The following SDC3 variants were observed in gnomAD, a reference collection of about 807,000 sequenced individuals.
SDC3 encodes the protein syndecan 3, also known as syndecan-3.
SDC3 carries 13 observed loss-of-function variants against 24.4 expected under a neutral mutation model. That is an observed-to-expected ratio of 0.53 (90% CI 0.35 to 0.85). The LOEUF (loss-of-function observed/expected upper bound fraction) is 0.85. Among genes scored for constraint, SDC3 ranks in the 40% least tolerant of loss-of-function variants. The pLI, the probability that SDC3 is intolerant of heterozygous loss-of-function variation, is 0.01. For missense variants in SDC3, 571 were observed against 584.5 expected (o/e 0.98, Z 0.24); for synonymous variants, 295 against 260.9 (o/e 1.13, Z -1.26).
At chr1:30,893,386 C>T (rs974831919) in intron 1 of SDC3, among the ~76,000 whole-genome samples, 4 of 148,558 alleles carry the variant, frequency 2.7e-5, no homozygotes, top group African/African-American at 7.4e-5. Context: ...GATTTTCCAC[C>T]AGCGGGACTG....
At chr1:30,905,410 C>T (rs1638501209) in intron 1 of SDC3, among the ~76,000 whole-genome samples, 1 of 148,876 alleles carries the variant, frequency 6.7e-6, no homozygotes, top group Non-Finnish European at 1.5e-5. Flanking sequence ...TTCCACTCCC[C>T]ACCCCTCCTG....
At chr1:30,905,559 G>A (rs571554721) in intron 1 of SDC3, among the ~76,000 whole-genome samples, 1 of 151,980 alleles carries the variant, frequency 6.6e-6, no homozygotes, top group Admixed American at 6.6e-5. Flanking sequence ...ATTTTAAAGA[G>A]GTGGAAACTA....
At chr1:30,892,562 G>A (rs1357876469) in intron 1 of SDC3, among the ~76,000 whole-genome samples, 1 of 152,208 alleles carries the variant, frequency 6.6e-6, no homozygotes, top group Admixed American at 6.5e-5. Flanking sequence ...CTCAAAGTTG[G>A]ACTTCAGGCA....
chr1:30,900,855 G>A (rs1638402351), intron 1 of SDC3, among the ~76,000 whole-genome samples: 1 of 152,054 alleles, frequency 6.6e-6, no homozygotes, highest in Non-Finnish European at 1.5e-5. Flanking sequence ...GCAGTGCAGG[G>A]GGTACAGGAA....
chr1:30,880,475 G>C (rs966149742), intron 1 of SDC3: 1 of 152,260 alleles, frequency 6.6e-6, no homozygotes, highest in African/African-American at 2.4e-5. Context: ...ATGAGGCAAG[G>C]CTGGGGAAGG....
rs1158474495 is a variant in SDC3, at chr1:30,870,204, A to C, written c.*3007T>G. ...CAGGGGGGTTTGGCCCACACACCCT[A>C]AGCCCTGCCCAGCCCTGGTTGCCAC... On this transcript the variant is annotated 3_prime_UTR_variant, in exon 5 of 5. Transcript: ENST00000339394. The C allele has an allele frequency of 6.6e-6, 2 of 302,944 alleles. No individual in the cohort carries two copies. The highest frequency in any genetic ancestry group is 1.2e-5 in the Non-Finnish European group (2 of 166,184). The allele number at this position is 302,944 out of a possible 1,614,324, so 18.8% of individuals were successfully genotyped here.
intron 1 of SDC3, among the ~76,000 whole-genome samples, chr1:30,896,666 C>T (rs10914230): frequency 0.064 from 9,676 of 152,124 alleles, 955 homozygotes; most frequent in African/African-American, 0.22. Context: ...CTGGTAGAAG[C>T]GTGGGATGTA....
chr1:30,906,620 C>T (rs1446148702), intron 1 of SDC3, among the ~76,000 whole-genome samples: 2 of 152,114 alleles, frequency 1.3e-5, no homozygotes, highest in Non-Finnish European at 2.9e-5. Flanking sequence ...CTCCTGAGCT[C>T]CTTCTCAGGA....
intron 1 of SDC3, among the ~76,000 whole-genome samples, chr1:30,900,300 T>C (rs1158616301): frequency 6.6e-6 from 1 of 152,186 alleles, no homozygotes; most frequent in Non-Finnish European, 1.5e-5. Flanking sequence ...GCAGTAAGTA[T>C]TGGCCGTTAT....
chr1:30,889,407 G>A (rs964107232), intron 1 of SDC3, among the ~76,000 whole-genome samples: 5 of 152,110 alleles, frequency 3.3e-5, no homozygotes, highest in African/African-American at 9.7e-5. Context: ...TGGTCAGCAC[G>A]TACAAATTCC....
Position 30,869,536 on chromosome 1 carries a change from C to CAAAAAAAAAAAAAAAAAAAAAAAAAAAA in SDC3, c.*3674_*3675insTTTTTTTTTTTTTTTTTTTTTTTTTTTT, listed in dbSNP as rs11338317. 1 of 331,864 alleles carries CAAAAAAAAAAAAAAAAAAAAAAAAAAAA rather than the reference C, an allele frequency of 3.0e-6. No individual in the cohort carries two copies. Among genetic ancestry groups the CAAAAAAAAAAAAAAAAAAAAAAAAAAAA allele is most frequent in the Admixed American group, 5.6e-5 (1 of 17,768 alleles). The allele number at this position is 331,864 out of a possible 1,614,324, so 20.6% of individuals were successfully genotyped here. On this transcript the variant is annotated 3_prime_UTR_variant, in exon 5 of 5. Transcript: ENST00000339394. Reference sequence around the variant, plus strand: ...AGGAAGTGTTAAAAAAACAAACAAACAAAAAAAAAAAAAAAAAAAAAAAAA... The same window carrying CAAAAAAAAAAAAAAAAAAAAAAAAAAAA: ...AGGAAGTGTTAAAAAAACAAACAAACAAAAAAAAAAAAAAAAAAAAAAAAAAAAAAAAAAAAAAAAAAAAAAAAAAAAA...
intron 1 of SDC3, among the ~76,000 whole-genome samples, chr1:30,891,472 C>T (rs866214927): frequency 6.6e-5 from 10 of 152,296 alleles, no homozygotes; most frequent in South Asian, 6.2e-4. Context: ...TCGGTAGCCC[C>T]GTCTCTCCTG....
At position 30,876,686 on chromosome 1, in the gene SDC3, G is replaced by A; in HGVS notation, c.736C>T (p.Pro246Ser). Residue 246 changes from proline to serine, a missense_variant, in exon 3 of 5, where the codon CCC becomes TCC. By Grantham distance (74) the Pro-to-Ser change is moderately conservative. This residue lies in a region of SDC3 where 497 missense variants were observed against 471.6 expected (regional missense o/e 1.05). Transcript: ENST00000339394. Reference sequence around the variant, plus strand: ...GAGGTAGCTGTGCTGACCAGCCTGGGTGTTGGGGCCTCGGTGTCCAAGACA... The same window carrying A: ...GAGGTAGCTGTGCTGACCAGCCTGGATGTTGGGGCCTCGGTGTCCAAGACA... ...AAVLDTEAPT[P>S]RLVSTATSRP... 1 of 1,603,996 alleles carries A rather than the reference G, an allele frequency of 6.2e-7. No homozygotes were observed. Among genetic ancestry groups the A allele is most frequent in the East Asian group, 2.2e-5 (1 of 44,784 alleles).
intron 3 of SDC3, among the ~76,000 whole-genome samples, chr1:30,875,964 G>A: frequency 6.6e-6 from 1 of 152,206 alleles, no homozygotes; most frequent in East Asian, 1.9e-4. Context: ...CACAAGGCGA[G>A]TGATGCCTTC....
rs60758960 is a variant in SDC3 at position 30,893,917 on chromosome 1, C to T, written c.138+14532G>A. Among the ~76,000 whole-genome samples, 1,321 of 152,048 alleles carry T rather than the reference C, an allele frequency of 8.7e-3. 11 individuals are homozygous for T. The highest frequency in any genetic ancestry group is 0.05 in the East Asian group (259 of 5,160). On this transcript the variant is annotated intron_variant, in intron 1 of 4. Transcript: ENST00000339394. ...AAGGTTGGTTTTTTAGTGCAGGGTG[C>T]GGGGGAGTGAGAAGTGTCCCTGGAG...
At chr1:30,881,351 C>T (rs1172865453) in intron 1 of SDC3, 1 of 153,844 alleles carries the variant, frequency 6.5e-6, no homozygotes, top group African/African-American at 2.4e-5. Flanking sequence ...CCACGCACCA[C>T]ACTCACCTCA....
intron 1 of SDC3, among the ~76,000 whole-genome samples, chr1:30,898,067 C>A (rs1638317484): frequency 1.4e-5 from 1 of 70,758 alleles, no homozygotes; most frequent in African/African-American, 1.0e-4. Context: ...TGGGGTTCAA[C>A]TGTTCAGAAC....
chr1:30,879,412 C>T (rs578102179), intron 1 of SDC3, among the ~76,000 whole-genome samples: 25 of 152,322 alleles, frequency 1.6e-4, no homozygotes, highest in East Asian at 3.9e-4. Context: ...TCTCCCGTGA[C>T]GAATTGCTGG....
intron 1 of SDC3, among the ~76,000 whole-genome samples, chr1:30,906,483 C>T (rs944298555): frequency 3.3e-5 from 5 of 152,200 alleles, no homozygotes; most frequent in African/African-American, 1.2e-4. Context: ...AGTCCTTCCA[C>T]CACCTCGTGG....
Sources: gnomAD v4.1 joint callset for allele counts (sites outside exome capture counted in the v4.1 genomes callset) on GRCh38, gnomAD v4.1.1 for gene constraint, gnomAD v4.1.1 regional missense constraint, MANE v1.5 for transcripts, NCBI Gene and HGNC (gene_info 2026-07-23, HGNC 2026-07-21) for gene names.